PDE4D: variants seen among roughly 807,000 people sequenced by gnomAD.
PDE4D encodes the protein 3',5'-cyclic-AMP phosphodiesterase 4D.
A neutral mutation model predicts 87.4 loss-of-function variants in PDE4D; 24 were observed. That is an observed-to-expected ratio of 0.27 (90% confidence interval 0.20 to 0.39). The LOEUF is 0.39. Among genes scored for constraint, PDE4D ranks in the 10% least tolerant of loss-of-function variants. The probability of loss-of-function intolerance (pLI) is 1.00; values close to 1 mark genes in which losing one functional copy is unlikely to be tolerated. For missense variants in PDE4D, 714 were observed against 1,041.0 expected (o/e 0.69, Z 4.32); for synonymous variants, 384 against 383.2 (o/e 1.00, Z -0.02).
chr5:59,755,521 T>G (rs1445069324), intron 1 of PDE4D, among the ~76,000 whole-genome samples: 2 of 152,170 alleles, frequency 1.3e-5, no homozygotes, highest in African/African-American at 4.8e-5. Context: ...ACTGCTATTC[T>G]TATTAGTAAG....
At chr5:59,838,867 C>A (rs1463842156) in intron 1 of PDE4D, among the ~76,000 whole-genome samples, 1 of 151,966 alleles carries the variant, frequency 6.6e-6, no homozygotes, top group Non-Finnish European at 1.5e-5. Flanking sequence ...GATGTCTATT[C>A]TTTTTATTAT....
chr5:60,399,207 C>G (rs1174015714), intron 1 of PDE4D, among the ~76,000 whole-genome samples: 1 of 152,112 alleles, frequency 6.6e-6, no homozygotes, highest in Non-Finnish European at 1.5e-5. Context: ...GGCTATATTA[C>G]CTCTTAGTAT....
chr5:60,233,257 T>C (rs1027672215), intron 1 of PDE4D, among the ~76,000 whole-genome samples: 5 of 151,534 alleles, frequency 3.3e-5, no homozygotes, highest in Admixed American at 3.3e-4. Flanking sequence ...TGTCATTCAT[T>C]CCAATGCACA....
intron 1 of PDE4D, among the ~76,000 whole-genome samples, chr5:59,262,822 T>G (rs1179950916): frequency 6.6e-6 from 1 of 152,008 alleles, no homozygotes; most frequent in Non-Finnish European, 1.5e-5. Flanking sequence ...GATAACCATG[T>G]GCAACACATT....
At chr5:59,430,960 C>A (rs760064275) in intron 1 of PDE4D, among the ~76,000 whole-genome samples, 1 of 152,016 alleles carries the variant, frequency 6.6e-6, no homozygotes, top group South Asian at 2.1e-4. Flanking sequence ...ATGTTATGGG[C>A]GGTTTTCCAA....
chr5:60,081,324 CA>C (rs35584107), intron 2 of PDE4D, among the ~76,000 whole-genome samples: 4,841 of 140,708 alleles, frequency 0.034, 228 homozygotes, highest in Admixed American at 0.15. Flanking sequence ...TTAGTTTTTT[CA>C]AAAAAAAAAA....
intron 1 of PDE4D, among the ~76,000 whole-genome samples, chr5:59,636,510 A>T (rs577363156): frequency 6.6e-6 from 1 of 152,344 alleles, no homozygotes; most frequent in East Asian, 1.9e-4. Context: ...ACTATACTAT[A>T]AGGCTACAGT....
At chr5:59,044,764 T>C (rs1424737064) in intron 5 of PDE4D, among the ~76,000 whole-genome samples, 1 of 152,238 alleles carries the variant, frequency 6.6e-6, no homozygotes, top group African/African-American at 2.4e-5. Flanking sequence ...GTATAAAATA[T>C]ATAAAACTTT....
At chr5:59,986,295 A>G (rs1343854681) in intron 3 of PDE4D, 1 of 152,502 alleles carries the variant, frequency 6.6e-6, no homozygotes, top group African/African-American at 2.4e-5. Context: ...AGGTCAATCA[A>G]TCCCTGCCTC....
intron 1 of PDE4D, among the ~76,000 whole-genome samples, chr5:60,221,820 A>G (rs371638562): frequency 9.2e-5 from 14 of 152,272 alleles, no homozygotes; most frequent in Non-Finnish European, 2.9e-5. Context: ...ATGTGTGAAT[A>G]TACTACAGTT....
chr5:60,521,839 T>A (rs1228597744), intron 1 of PDE4D: 1 of 151,502 alleles, frequency 6.6e-6, no homozygotes, highest in Admixed American at 6.6e-5. Context: ...GACATTGGAA[T>A]CTCCAAATCT....
chr5:60,486,123 T>C (rs1749118726), intron 1 of PDE4D, among the ~76,000 whole-genome samples: 1 of 152,194 alleles, frequency 6.6e-6, no homozygotes, highest in Admixed American at 6.5e-5. Flanking sequence ...TGAGTTGAAG[T>C]CAGGAGCTGA....
intron 1 of PDE4D, among the ~76,000 whole-genome samples, chr5:59,468,265 G>A (rs1182021190): frequency 1.3e-5 from 2 of 151,626 alleles, no homozygotes; most frequent in Non-Finnish European, 2.9e-5. Context: ...CAAAAAGAGA[G>A]GGGTGTTTGA....
intron 1 of PDE4D, chr5:59,430,347 A>G (rs1295003142): frequency 8.1e-7 from 1 of 1,231,428 alleles, no homozygotes; most frequent in Non-Finnish European, 1.0e-6. Context: ...ATGGTGATCC[A>G]TGAACATAAG....
chr5:59,039,372 C>T (rs2153394061), intron 5 of PDE4D: 1 of 1,024,110 alleles, frequency 9.8e-7, no homozygotes. Context: ...GTGCCCGCCC[C>T]GCAGAGGAGC....
intron 1 of PDE4D, among the ~76,000 whole-genome samples, chr5:59,542,724 T>A (rs972135038): frequency 2.0e-5 from 3 of 152,152 alleles, no homozygotes; most frequent in Admixed American, 6.5e-5. Context: ...GAAAAACATA[T>A]AATCAATTCA....
At chr5:59,494,048 C>G (rs1214372544) in intron 1 of PDE4D, among the ~76,000 whole-genome samples, 1 of 152,166 alleles carries the variant, frequency 6.6e-6, no homozygotes, top group Non-Finnish European at 1.5e-5. Context: ...GGCTTTGACC[C>G]TAGTAACCCC....
At chr5:59,117,807 C>CTTTT (rs201039884) in intron 5 of PDE4D, among the ~76,000 whole-genome samples, 10 of 142,014 alleles carry the variant, frequency 7.0e-5, no homozygotes, top group Admixed American at 4.2e-4. Flanking sequence ...AGGTTTTTAA[C>CTTTT]TTTTTTTTTT....
At chr5:59,110,079 G>C (rs762751564) in intron 5 of PDE4D, among the ~76,000 whole-genome samples, 5 of 152,114 alleles carry the variant, frequency 3.3e-5, no homozygotes, top group African/African-American at 4.8e-5. Flanking sequence ...ATGTAAATCT[G>C]TCTATTCTAA....
Sources: gnomAD v4.1 joint callset for allele counts (sites outside exome capture counted in the v4.1 genomes callset) on GRCh38, gnomAD v4.1.1 for gene constraint, MANE v1.5 for transcripts, NCBI Gene and HGNC (gene_info 2026-07-23, HGNC 2026-07-21) for gene names.